Variants in WDR27 observed in about 807,000 individuals in gnomAD.
WDR27 encodes the protein WD repeat-containing protein 27.
A neutral mutation model predicts 114.4 loss-of-function variants in WDR27; 100 were observed. The observed-to-expected ratio is 0.87, with a 90% CI of 0.74 to 1.03. The LOEUF is 1.03. Ranked by LOEUF, WDR27 falls within the 50% of genes least tolerant of loss-of-function variation. The pLI is 0.00. For synonymous variants in WDR27, 449 were observed against 423.1 expected, an observed-to-expected ratio of 1.06 and a Z score of -0.75; for missense variants, 1,129 against 1,092.9, an observed-to-expected ratio of 1.03 and a Z score of -0.47.
At chr6:169,506,174 A>G (rs898316075) in intron 25 of WDR27, among the ~76,000 whole-genome samples, 1 of 152,242 alleles carries the variant, frequency 6.6e-6, no homozygotes, top group African/African-American at 2.4e-5. Flanking sequence ...ATTTCCAAGC[A>G]CTAATTTTCC....
chr6:169,541,118 T>C (rs74848534), intron 25 of WDR27, among the ~76,000 whole-genome samples: 3 of 147,494 alleles, frequency 2.0e-5, no homozygotes, highest in Non-Finnish European at 4.5e-5. Context: ...ATAAGGACCA[T>C]TAAGGAAAGG....
In WDR27 at chr6:169,523,062, TAGAG is replaced by T. The variant is rs1049635863; in HGVS notation, c.2645+49353_2645+49356del. 5.9e-4 allele frequency among the ~76,000 whole-genome samples: 89 copies of T among 151,368 alleles called. 1 individual carries two copies. Among genetic ancestry groups the T allele is most frequent in the African/African-American group, 2.1e-3 (85 of 41,320 alleles). On this transcript the variant is annotated intron_variant, in intron 25 of 25. Transcript: ENST00000448612. ...AAACATTTGGCTAGACTAAGAAAAA[TAGAG>T]AGAGAATCCAAATAAACAGTATCAG...
At chr6:169,528,327 C>T (rs187471233) in intron 25 of WDR27, among the ~76,000 whole-genome samples, 1 of 151,936 alleles carries the variant, frequency 6.6e-6, no homozygotes, top group Non-Finnish European at 1.5e-5. Context: ...ATACAAATGC[C>T]CAGTATACTA....
At chr6:169,481,520 C>T (rs377387974) in intron 25 of WDR27, among the ~76,000 whole-genome samples, 12 of 152,220 alleles carry the variant, frequency 7.9e-5, no homozygotes, top group African/African-American at 1.2e-4. Context: ...GCTCACTCTT[C>T]GGGTTCGTGG....
intron 6 of WDR27, chr6:169,666,911 C>T (rs1309421732): frequency 1.0e-6 from 1 of 985,414 alleles, no homozygotes; most frequent in Non-Finnish European, 1.2e-6. Flanking sequence ...ACAGAAAGGC[C>T]CAGACTCCAA....
At chr6:169,683,943 A>C (rs1782231505) in intron 2 of WDR27, among the ~76,000 whole-genome samples, 1 of 152,206 alleles carries the variant, frequency 6.6e-6, no homozygotes, top group Non-Finnish European at 1.5e-5. Flanking sequence ...AAGCTGCTGT[A>C]GCACAGCACC....
intron 25 of WDR27, among the ~76,000 whole-genome samples, chr6:169,495,202 T>A (rs1343567336): frequency 6.6e-6 from 1 of 152,078 alleles, no homozygotes; most frequent in Non-Finnish European, 1.5e-5. Context: ...GATACATAGA[T>A]AAATGGATGG....
chr6:169,629,208 C>T (rs1206698534), intron 21 of WDR27, among the ~76,000 whole-genome samples: 1 of 152,042 alleles, frequency 6.6e-6, no homozygotes, highest in Non-Finnish European at 1.5e-5. Flanking sequence ...TTATCTTAAA[C>T]CTTGCATGTT....
In WDR27 at chr6:169,457,489, A is replaced by G; in HGVS notation, c.*103T>C. On this transcript the variant is annotated 3_prime_UTR_variant, in exon 26 of 26. Transcript: ENST00000448612. ...AGGCAAGTCTCAAAATATGAAAAAC[A>G]GTTGCTGCTTCTGGCCCCCTGATGG... is the stretch of plus-strand genomic sequence containing the variant. 4 of 973,854 alleles carry G rather than the reference A, an allele frequency of 4.1e-6. No individual in the cohort carries two copies. In the South Asian group the frequency reaches 5.3e-5, roughly 13 times the overall value. 60.3% of individuals were successfully genotyped at this position (973,854 alleles called of 1,614,324 possible). A position where few individuals can be genotyped will look rare whatever the true frequency, so the allele number is the denominator to read the frequency against.
intron 9 of WDR27, among the ~76,000 whole-genome samples, chr6:169,661,632 G>C (rs1481148082): frequency 6.6e-6 from 1 of 152,176 alleles, no homozygotes; most frequent in Non-Finnish European, 1.5e-5. Context: ...AGCCAGGGAA[G>C]CCTCAAAATG....
In WDR27 at chr6:169,638,652, C is replaced by G; in HGVS notation, c.1756G>C (p.Gly586Arg). The change falls in exon 18 of 26, where the codon GGG (glycine) becomes CGG (arginine). Residue 586 changes from glycine (G) to arginine (R), a missense_variant. Physicochemically the swap from Gly to Arg is moderately radical, Grantham distance 125. Transcript: ENST00000448612. Reference sequence around the variant, plus strand: ...CTCCAGCACACGGCATTCACTGCCCCGTCGTGACCTAACAGGAATGACCAC... The same window carrying G: ...CTCCAGCACACGGCATTCACTGCCCGGTCGTGACCTAACAGGAATGACCAC... The part of the protein sequence containing the change: ...GTPAVFSGHD[G>R]AVNAVCWSQD... The G allele has an allele frequency of 6.2e-7, 1 of 1,603,012 alleles. No individual in the cohort carries two copies. The highest frequency in any genetic ancestry group is 8.5e-7 in the Non-Finnish European group (1 of 1,174,804).
chr6:169,541,472 G>A (rs1000233198), intron 25 of WDR27, among the ~76,000 whole-genome samples: 2 of 152,182 alleles, frequency 1.3e-5, no homozygotes, highest in Non-Finnish European at 1.5e-5. Context: ...GGGCAGCACC[G>A]CTGTCAGACA....
intron 25 of WDR27, among the ~76,000 whole-genome samples, chr6:169,494,662 C>T (rs1396300084): frequency 6.6e-6 from 1 of 152,106 alleles, no homozygotes. Flanking sequence ...AAAGGTTTAC[C>T]CACAAAGGTT....
intron 25 of WDR27, among the ~76,000 whole-genome samples, chr6:169,459,814 C>CA (rs908988727): frequency 3.3e-5 from 5 of 151,930 alleles, no homozygotes; most frequent in East Asian, 1.9e-4. Flanking sequence ...AAAACTCAAA[C>CA]AAAAAAACCC....
intron 21 of WDR27, among the ~76,000 whole-genome samples, chr6:169,619,779 GT>G (rs1450356062): frequency 6.6e-6 from 1 of 152,166 alleles, no homozygotes; most frequent in Non-Finnish European, 1.5e-5. Flanking sequence ...GGTGACAAAT[GT>G]TTCCTGTTCA....
At chr6:169,522,074 T>A (rs554420539) in intron 25 of WDR27, among the ~76,000 whole-genome samples, 1 of 152,182 alleles carries the variant, frequency 6.6e-6, no homozygotes, top group Admixed American at 6.5e-5. Flanking sequence ...CCCAACTATA[T>A]GCTGCCCACA....
chr6:169,493,852 T>C (rs902340105), intron 25 of WDR27, among the ~76,000 whole-genome samples: 4 of 152,160 alleles, frequency 2.6e-5, no homozygotes, highest in African/African-American at 9.6e-5. Flanking sequence ...AATAATACCA[T>C]ATCTAACAAC....
Position 169,659,983 on chromosome 6 carries a change from C to A in WDR27, c.1130-465G>T, listed in dbSNP as rs1176891848. On this transcript the variant is annotated intron_variant, in intron 10 of 25. Transcript: ENST00000448612. This position sits in a 1 kb window ranked among gnomAD's most constrained non-coding sequence, Gnocchi z 4.3. ...TGTGTGAAGACACAGATGCATCCCA[C>A]AGCCCCACAGAGGTCTGAGCGTTCA... Among the ~76,000 whole-genome samples, 1 of 151,884 alleles carries A rather than the reference C, an allele frequency of 6.6e-6. No homozygotes were observed. The highest frequency in any genetic ancestry group is 1.5e-5 in the Non-Finnish European group (1 of 67,988).
chr6:169,628,962 C>G (rs1471119465), intron 21 of WDR27, among the ~76,000 whole-genome samples: 1 of 152,180 alleles, frequency 6.6e-6, no homozygotes, highest in African/African-American at 2.4e-5. Flanking sequence ...AGAAAAATAG[C>G]TTTCACTTAA....
Sources: gnomAD v4.1 joint callset for allele counts (sites outside exome capture counted in the v4.1 genomes callset) on GRCh38, gnomAD v4.1.1 for gene constraint, Gnocchi (gnomAD v3.1) non-coding constraint, MANE v1.5 for transcripts, NCBI Gene and HGNC (gene_info 2026-07-23, HGNC 2026-07-21) for gene names.